Variants in STIM1 observed in about 807,000 individuals in gnomAD.
STIM1 encodes stromal interaction molecule 1.
A neutral mutation model predicts 74.7 loss-of-function variants in STIM1; 25 were observed. The observed-to-expected ratio is 0.33, with a 90% CI of 0.24 to 0.47. The LOEUF is 0.47. Ranked by LOEUF, STIM1 falls within the 20% of genes least tolerant of loss-of-function variation. STIM1 has a pLI of 1.00. For missense variants in STIM1, 728 were observed against 920.8 expected (o/e 0.79, Z 2.71); for synonymous variants, 328 against 348.8 (o/e 0.94, Z 0.66).
At chr11:4,087,542 A>G (rs1199911082) in intron 12 of STIM1, among the ~76,000 whole-genome samples, 1 of 152,148 alleles carries the variant, frequency 6.6e-6, no homozygotes, top group African/African-American at 2.4e-5. Context: ...GTGAGGCTAG[A>G]ATGACGAAGG....
chr11:3,971,776 A>G (rs1441934494), intron 2 of STIM1, among the ~76,000 whole-genome samples: 2 of 152,228 alleles, frequency 1.3e-5, no homozygotes, highest in Non-Finnish European at 2.9e-5. Flanking sequence ...ATGTACCAAA[A>G]GTACTATGCC....
chr11:3,873,203 G>C (rs577106861), intron 1 of STIM1, among the ~76,000 whole-genome samples: 2 of 152,002 alleles, frequency 1.3e-5, no homozygotes, highest in African/African-American at 4.8e-5. Context: ...ATCACCTGAG[G>C]TAGGGAGTTC....
At chr11:3,910,766 G>C (rs2092548303) in intron 1 of STIM1, among the ~76,000 whole-genome samples, 1 of 150,614 alleles carries the variant, frequency 6.6e-6, no homozygotes, top group Non-Finnish European at 1.5e-5. Flanking sequence ...CGGATTACAA[G>C]ATCAGGAGTT....
At chr11:3,910,940 C>T (rs1353376441) in intron 1 of STIM1, among the ~76,000 whole-genome samples, 6 of 152,174 alleles carry the variant, frequency 3.9e-5, no homozygotes, top group Middle Eastern at 3.4e-3. Context: ...GAGCTGAGAT[C>T]GCACCACCGC....
At chr11:4,073,985 C>T (rs2094422026) in intron 6 of STIM1, among the ~76,000 whole-genome samples, 1 of 152,108 alleles carries the variant, frequency 6.6e-6, no homozygotes, top group Admixed American at 6.5e-5. Context: ...TAGGTTTTCC[C>T]TGGATCTTTT....
rs1565104802 is a variant in STIM1 at position 3,895,670 on chromosome 11, CTTT to C, written c.139+39262_139+39264del. Among the ~76,000 whole-genome samples the C allele has an allele frequency of 1.3e-3, 56 of 42,978 alleles. 1 individual carries two copies. The highest frequency in any genetic ancestry group is 7.4e-3 in the Middle Eastern group (1 of 136). The allele number at this position is 42,978 out of a possible 152,430, so 28.2% of individuals were successfully genotyped here. On this transcript the variant is annotated intron_variant, in intron 1 of 12. Coordinates refer to ENST00000526596, the MANE Select transcript of STIM1 (RefSeq NM_001382567.1). ...TCTTTCTTTCTTTCTTTCTTTCTTT[CTTT>C]CCTTCCTTCCTTCTTTCTTTCTTTC...
intron 1 of STIM1, among the ~76,000 whole-genome samples, chr11:3,857,513 G>A (rs1002619222): frequency 2.0e-5 from 3 of 151,932 alleles, no homozygotes; most frequent in Admixed American, 6.6e-5. Flanking sequence ...ACAGGTGTGA[G>A]CCACTGTACC....
chr11:3,947,896 CAA>C (rs1397798050), intron 1 of STIM1, among the ~76,000 whole-genome samples: 1 of 152,168 alleles, frequency 6.6e-6, no homozygotes, highest in East Asian at 1.9e-4. Context: ...TACAAAGTTT[CAA>C]AGAGACAACG....
At chr11:3,998,102 C>G (rs942743254) in intron 2 of STIM1, among the ~76,000 whole-genome samples, 1 of 152,168 alleles carries the variant, frequency 6.6e-6, no homozygotes, top group Non-Finnish European at 1.5e-5. Context: ...ACATATTACA[C>G]ACACACACAG....
At chr11:3,979,481 T>C (rs2093480883) in intron 2 of STIM1, among the ~76,000 whole-genome samples, 1 of 152,248 alleles carries the variant, frequency 6.6e-6, no homozygotes, top group African/African-American at 2.4e-5. Context: ...GGTCTTGCTC[T>C]GTCCTCTAGG....
chr11:3,897,342 A>G (rs1430749749), intron 1 of STIM1, among the ~76,000 whole-genome samples: 1 of 151,946 alleles, frequency 6.6e-6, no homozygotes, highest in Non-Finnish European at 1.5e-5. Flanking sequence ...ATACTGGTCT[A>G]TTTCTCTTCT....
intron 5 of STIM1, among the ~76,000 whole-genome samples, chr11:4,059,981 G>A (rs2094319451): frequency 1.3e-5 from 2 of 152,148 alleles, no homozygotes; most frequent in Non-Finnish European, 2.9e-5. Flanking sequence ...TATATATAAT[G>A]ACAGTGGGTT....
chr11:3,856,182 G>T lies in STIM1; in HGVS notation c.-89G>T. 4 of 1,576,956 alleles carry T rather than the reference G, an allele frequency of 2.5e-6. No individual in the cohort carries two copies. Among genetic ancestry groups the T allele is most frequent in the Non-Finnish European group, 3.5e-6 (4 of 1,152,294 alleles). Reference sequence around the variant, plus strand: ...GAGCCGCGAGGGCATCTTGCCTGGAGACCGTCGGCTGCACTCCCGGGCTCC... The same window carrying T: ...GAGCCGCGAGGGCATCTTGCCTGGATACCGTCGGCTGCACTCCCGGGCTCC... On this transcript the variant is annotated 5_prime_UTR_variant, in exon 1 of 13. Transcript: ENST00000526596.
intron 1 of STIM1, among the ~76,000 whole-genome samples, chr11:3,904,300 G>T (rs1016068978): frequency 2.0e-5 from 3 of 151,942 alleles, no homozygotes; most frequent in Non-Finnish European, 2.9e-5. Context: ...GATGACCAGG[G>T]TTGTGCCAGA....
In STIM1 at chr11:3,867,249, C is replaced by G. The variant is rs530422693; in HGVS notation, c.139+10840C>G. ...TGAAGCTGTGCTCAGTGACAGTTAT[C>G]AGTCATAATGAGGGATGGTTTGGCT... is the stretch of plus-strand genomic sequence containing the variant. On this transcript the variant is annotated intron_variant, in intron 1 of 12. Coordinates refer to ENST00000526596, the MANE Select transcript of STIM1 (RefSeq NM_001382567.1). 2.6e-5 allele frequency: 4 copies of G among 152,348 alleles called. No homozygotes were observed. The South Asian group carries it at 8.3e-4, about 32-fold the overall frequency. The allele number at this position is 152,348 out of a possible 1,614,324, so 9.4% of individuals were successfully genotyped here.
At position 4,082,166 on chromosome 11, in the gene STIM1, A is replaced by T. The variant is rs2094468759; in HGVS notation, c.970-18A>T. On this transcript the variant is annotated intron_variant, in intron 7 of 12. Transcript: ENST00000526596. Reference sequence around the variant, plus strand: ...TCTTAGTAGCAGTAAATGAACTCACATCCTTTTGGCTGCCTAGGTTCGGGA... The same window carrying T: ...TCTTAGTAGCAGTAAATGAACTCACTTCCTTTTGGCTGCCTAGGTTCGGGA... 1.9e-6 allele frequency: 3 copies of T among 1,613,884 alleles called. No homozygotes were observed. Among genetic ancestry groups the T allele is most frequent in the South Asian group, 2.2e-5 (2 of 91,084 alleles).
chr11:3,987,850 A>G (rs1229131209), intron 2 of STIM1, among the ~76,000 whole-genome samples: 1 of 150,750 alleles, frequency 6.6e-6, no homozygotes, highest in Admixed American at 6.6e-5. Flanking sequence ...CACAGTGTGT[A>G]TATATATTTT....
At chr11:3,915,840 C>T (rs1018947410) in intron 1 of STIM1, among the ~76,000 whole-genome samples, 2 of 152,096 alleles carry the variant, frequency 1.3e-5, no homozygotes, top group Non-Finnish European at 2.9e-5. Context: ...CAGATCACTT[C>T]AGGTCAGGAG....
At chr11:3,948,551 T>A (rs1056645365) in intron 1 of STIM1, among the ~76,000 whole-genome samples, 4 of 152,222 alleles carry the variant, frequency 2.6e-5, no homozygotes, top group African/African-American at 9.6e-5. Context: ...ACAACTTTTC[T>A]AGCTCTACAA....
Sources: gnomAD v4.1 joint callset for allele counts (sites outside exome capture counted in the v4.1 genomes callset) on GRCh38, gnomAD v4.1.1 for gene constraint, MANE v1.5 for transcripts, NCBI Gene and HGNC (gene_info 2026-07-23, HGNC 2026-07-21) for gene names.